Variants in SCAI observed in about 807,000 individuals in gnomAD.
SCAI encodes the protein suppressor of cancer cell invasion.
In SCAI, 24 loss-of-function variants were observed where a neutral mutation model predicts 92.2. The observed-to-expected ratio is 0.26, with a 90% CI of 0.19 to 0.37. The LOEUF (loss-of-function observed/expected upper bound fraction) is 0.37. Among genes scored for constraint, SCAI ranks in the 10% least tolerant of loss-of-function variants. The pLI is 1.00. For synonymous variants in SCAI, 261 were observed against 258.6 expected, an observed-to-expected ratio of 1.01 and a Z score of -0.09; for missense variants, 450 against 736.2, an observed-to-expected ratio of 0.61 and a Z score of 4.50.
chr9:125,097,864 A>T (rs1298046892), intron 2 of SCAI, among the ~76,000 whole-genome samples: 1 of 151,800 alleles, frequency 6.6e-6, no homozygotes, highest in Non-Finnish European at 1.5e-5. Flanking sequence ...CAATATTTCA[A>T]CACCAACATT....
At chr9:124,971,635 C>T (rs1831660322) in intron 16 of SCAI, 36 bp downstream of exon 16, 2 of 1,529,422 alleles carry the variant, frequency 1.3e-6, no homozygotes, top group African/African-American at 1.4e-5. Context: ...CATTATAGTA[C>T]ATTCTGTTAA....
intron 17 of SCAI, among the ~76,000 whole-genome samples, chr9:124,965,359 G>A (rs937188936): frequency 1.3e-5 from 2 of 151,894 alleles, no homozygotes; most frequent in African/African-American, 2.4e-5. Context: ...TCAGCCTCCC[G>A]AGTAGCTGAG....
intron 2 of SCAI, among the ~76,000 whole-genome samples, chr9:125,115,044 A>G (rs1480326341): frequency 6.6e-6 from 1 of 152,046 alleles, no homozygotes; most frequent in East Asian, 1.9e-4. Flanking sequence ...AAGAGCTGGG[A>G]TTACAGGCCT....
chr9:125,009,551 C>T (rs1374245843), intron 9 of SCAI, among the ~76,000 whole-genome samples: 1 of 152,032 alleles, frequency 6.6e-6, no homozygotes, highest in Admixed American at 6.6e-5. Flanking sequence ...AGCCACCATG[C>T]CCAAAGGCAT....
At chr9:125,023,605 G>A (rs770458384) in intron 6 of SCAI, among the ~76,000 whole-genome samples, 13 of 151,860 alleles carry the variant, frequency 8.6e-5, no homozygotes, top group Non-Finnish European at 1.5e-4. Context: ...TTTAAGCTTT[G>A]CAGGCCACAT....
chr9:125,076,895 A>G (rs1834101806), intron 2 of SCAI, among the ~76,000 whole-genome samples: 1 of 152,096 alleles, frequency 6.6e-6, no homozygotes, highest in African/African-American at 2.4e-5. Flanking sequence ...ACGGGGTTTC[A>G]TTCACCATGT....
chr9:125,058,518 A>G (rs1833714810), intron 2 of SCAI, among the ~76,000 whole-genome samples: 1 of 152,186 alleles, frequency 6.6e-6, no homozygotes, highest in African/African-American at 2.4e-5. Context: ...GCGTTTCAAA[A>G]AAAATAAACT....
At chr9:125,020,244 A>T (rs1292325472) in intron 7 of SCAI, among the ~76,000 whole-genome samples, 2 of 152,206 alleles carry the variant, frequency 1.3e-5, no homozygotes, top group African/African-American at 2.4e-5. Flanking sequence ...GTTAACTCTT[A>T]ATCACCTCAG....
At chr9:125,108,628 CCGCCCGG>C (rs1834864764) in intron 2 of SCAI, among the ~76,000 whole-genome samples, 2 of 149,148 alleles carry the variant, frequency 1.3e-5, no homozygotes, top group African/African-American at 4.9e-5. Context: ...AGGAGCCCCT[CCGCCCGG>C]CAGCCGCCCC....
At chr9:124,984,590 G>A (rs984972918) in intron 14 of SCAI, among the ~76,000 whole-genome samples, 1 of 152,170 alleles carries the variant, frequency 6.6e-6, no homozygotes, top group Admixed American at 6.5e-5. Context: ...GAGTAGTCAA[G>A]TACGAAATCA....
chr9:124,990,344 C>T (rs1033042048), intron 14 of SCAI, among the ~76,000 whole-genome samples: 1 of 151,988 alleles, frequency 6.6e-6, no homozygotes, highest in Admixed American at 6.6e-5. Context: ...CAAAAATCAG[C>T]CAGGTGTGGT....
chr9:124,993,719 T>A (rs1832181940), intron 14 of SCAI, among the ~76,000 whole-genome samples: 1 of 152,134 alleles, frequency 6.6e-6, no homozygotes, highest in Admixed American at 6.6e-5. Flanking sequence ...AATAAAGAGT[T>A]TAAGTAAAAC....
intron 2 of SCAI, among the ~76,000 whole-genome samples, chr9:125,138,249 C>CTT (rs10570060): frequency 1.2e-3 from 127 of 104,154 alleles, no homozygotes; most frequent in Middle Eastern, 6.8e-3. Context: ...ACTATTATTT[C>CTT]TTTTTTTTTT....
intron 14 of SCAI, among the ~76,000 whole-genome samples, chr9:124,988,619 T>TA (rs1354356761): frequency 6.6e-6 from 1 of 151,688 alleles, no homozygotes; most frequent in East Asian, 1.9e-4. Flanking sequence ...GCTTAGAAGA[T>TA]AAAGATGAGG....
At chr9:125,026,371 C>T (rs1418160722) in intron 6 of SCAI, among the ~76,000 whole-genome samples, 1 of 108,914 alleles carries the variant, frequency 9.2e-6, no homozygotes, top group Non-Finnish European at 1.8e-5. Context: ...CAGAGCAAGA[C>T]TCCACCTCCA....
intron 2 of SCAI, among the ~76,000 whole-genome samples, chr9:125,132,176 C>G (rs1334356038): frequency 6.6e-6 from 1 of 151,436 alleles, no homozygotes; most frequent in Non-Finnish European, 1.5e-5. Flanking sequence ...TGCAGTGGCA[C>G]GATCTTGGCT....
At chr9:125,004,750 TATATATATATATATATATA>T (rs1332389813) in intron 9 of SCAI, among the ~76,000 whole-genome samples, 225 of 14,942 alleles carry the variant, frequency 0.015, 10 homozygotes, top group Non-Finnish European at 0.021. Flanking sequence ...TATATATATA[TATATATATATATATATATA>T]TATATATATA....
chr9:125,077,939 G>A lies in SCAI; in HGVS notation c.99-21932C>T, dbSNP rs539983718. The stretch of plus-strand genomic sequence containing the variant: ...TCACCATGTTGGCCAGGTTGGACTC[G>A]AACTCCTGACCTCAAGTGATCCACA... On this transcript the variant is annotated intron_variant, in intron 2 of 17. Coordinates refer to ENST00000336505, the MANE Select transcript of SCAI (RefSeq NM_001144877.3). 1.1e-4 allele frequency among the ~76,000 whole-genome samples: 16 copies of A among 151,340 alleles called. No homozygotes were observed. The South Asian group carries it at 3.4e-3, about 32-fold the overall frequency.
intron 9 of SCAI, among the ~76,000 whole-genome samples, chr9:125,007,923 G>A (rs767792020): frequency 4.0e-5 from 6 of 151,462 alleles, no homozygotes; most frequent in African/African-American, 7.3e-5. Context: ...TCTGCTCACC[G>A]TAAGCTCCAC....
Sources: gnomAD v4.1 joint callset for allele counts (sites outside exome capture counted in the v4.1 genomes callset) on GRCh38, gnomAD v4.1.1 for gene constraint, MANE v1.5 for transcripts, NCBI Gene and HGNC (gene_info 2026-07-23, HGNC 2026-07-21) for gene names.